Variants in TAFA4 observed in about 807,000 individuals in gnomAD.
TAFA4 encodes the protein TAFA chemokine like family member 4, also known as chemokine-like protein TAFA-4.
Under a neutral mutation model 21.1 loss-of-function variants are expected in TAFA4, and 20 were observed. The ratio of observed to expected loss-of-function variants is 0.95; its 90% CI spans 0.67 to 1.38. The LOEUF is 1.38. TAFA4 is among the 40% of genes most tolerant of loss of function. The probability of loss-of-function intolerance (pLI) is 0.00; values close to 1 mark genes in which losing one functional copy is unlikely to be tolerated. For synonymous variants in TAFA4, 71 were observed against 67.4 expected (o/e 1.05, Z -0.26); for missense variants, 211 against 180.9 (o/e 1.17, Z -0.95).
At chr3:68,839,895 G>A (rs2106891621) in intron 3 of TAFA4, among the ~76,000 whole-genome samples, 1 of 152,298 alleles carries the variant, frequency 6.6e-6, no homozygotes, top group South Asian at 2.1e-4. Flanking sequence ...GAGGAAAATG[G>A]GAGAGACCCT....
At chr3:68,737,466 T>C (rs1006408958) in intron 5 of TAFA4, among the ~76,000 whole-genome samples, 2 of 152,144 alleles carry the variant, frequency 1.3e-5, no homozygotes, top group Non-Finnish European at 2.9e-5. Flanking sequence ...CCCAGTCATC[T>C]CAGTATCACT....
At chr3:68,912,967 G>A (rs1402496761) in intron 1 of TAFA4, among the ~76,000 whole-genome samples, 1 of 152,206 alleles carries the variant, frequency 6.6e-6, no homozygotes, top group African/African-American at 2.4e-5. Context: ...TACTGAAGGT[G>A]ATGTGGGGGT....
At chr3:68,930,465 T>C (rs372516204) in intron 1 of TAFA4, among the ~76,000 whole-genome samples, 1 of 152,158 alleles carries the variant, frequency 6.6e-6, no homozygotes, top group East Asian at 1.9e-4. Context: ...ATAATAAATT[T>C]TAAAGTGTCA....
At chr3:68,784,361 G>A (rs1034887031) in intron 3 of TAFA4, among the ~76,000 whole-genome samples, 1 of 152,192 alleles carries the variant, frequency 6.6e-6, no homozygotes, top group African/African-American at 2.4e-5. Context: ...AGCTCTTAAG[G>A]TGGCACATCT....
chr3:68,815,757 G>A (rs1449827389), intron 3 of TAFA4, among the ~76,000 whole-genome samples: 15 of 152,148 alleles, frequency 9.9e-5, no homozygotes, highest in Admixed American at 3.3e-4. Flanking sequence ...TCAGTGTGGC[G>A]ATTCCTCAAG....
chr3:68,924,178 T>G (rs73835373), intron 1 of TAFA4, among the ~76,000 whole-genome samples: 4,247 of 152,280 alleles, frequency 0.028, 200 homozygotes, highest in African/African-American at 0.096. Context: ...GAACAGATGT[T>G]TGTATACCTA....
At chr3:68,924,141 C>T (rs1344105116) in intron 1 of TAFA4, among the ~76,000 whole-genome samples, 1 of 152,158 alleles carries the variant, frequency 6.6e-6, no homozygotes, top group African/African-American at 2.4e-5. Flanking sequence ...GACTCAAAAG[C>T]ACTAAAGGCA....
chr3:68,737,282 T>C (rs1702260529), intron 5 of TAFA4, among the ~76,000 whole-genome samples: 2 of 152,086 alleles, frequency 1.3e-5, no homozygotes, highest in Admixed American at 1.3e-4. Flanking sequence ...AAGGGAAAGA[T>C]AGGGAAATTA....
intron 1 of TAFA4, among the ~76,000 whole-genome samples, chr3:68,924,615 G>C (rs2090090620): frequency 6.6e-6 from 1 of 152,116 alleles, no homozygotes; most frequent in Non-Finnish European, 1.5e-5. Context: ...CTTGAAAACG[G>C]TTAAAATGAT....
chr3:68,785,555 TC>T (rs1160321926), intron 3 of TAFA4, among the ~76,000 whole-genome samples: 4 of 151,968 alleles, frequency 2.6e-5, no homozygotes, highest in African/African-American at 9.7e-5. Context: ...GGCCGGCCGC[TC>T]CTAATGCGGG....
intron 3 of TAFA4, among the ~76,000 whole-genome samples, chr3:68,832,119 T>C (rs1054489501): frequency 6.6e-6 from 1 of 152,192 alleles, no homozygotes; most frequent in African/African-American, 2.4e-5. Flanking sequence ...TGCAATGGGT[T>C]AGAACATGCT....
intron 2 of TAFA4, among the ~76,000 whole-genome samples, chr3:68,883,772 A>G (rs758186489): frequency 1.3e-4 from 20 of 152,176 alleles, no homozygotes; most frequent in Non-Finnish European, 2.2e-4. Context: ...TGTTTATACT[A>G]TTGAAAATGA....
At chr3:68,833,790 TTTA>T (rs2106882763) in intron 3 of TAFA4, among the ~76,000 whole-genome samples, 1 of 152,290 alleles carries the variant, frequency 6.6e-6, no homozygotes, top group African/African-American at 2.4e-5. Context: ...CCCCTTTCAG[TTTA>T]TTGTTTCATA....
intron 4 of TAFA4, among the ~76,000 whole-genome samples, chr3:68,752,498 A>C (rs1407245933): frequency 6.6e-6 from 1 of 152,208 alleles, no homozygotes; most frequent in Non-Finnish European, 1.5e-5. Flanking sequence ...AACACCAAGC[A>C]TGAAGTGAGA....
At chr3:68,827,885 A>C (rs561706578) in intron 3 of TAFA4, among the ~76,000 whole-genome samples, 1 of 152,278 alleles carries the variant, frequency 6.6e-6, no homozygotes, top group South Asian at 2.1e-4. Flanking sequence ...CTTTGGTTTA[A>C]TTAGATCCCA....
At chr3:68,781,390 T>A (rs77772868) in intron 3 of TAFA4, among the ~76,000 whole-genome samples, 3,276 of 151,204 alleles carry the variant, frequency 0.022, 119 homozygotes, top group African/African-American at 0.075. Flanking sequence ...CCCAAATTAA[T>A]CAAGAACAAA....
intron 1 of TAFA4, chr3:68,916,305 A>T (rs912694663): frequency 6.6e-6 from 1 of 152,212 alleles, no homozygotes; most frequent in Non-Finnish European, 1.5e-5. Flanking sequence ...GGATTCTCTG[A>T]TGGCTTTTAA....
In TAFA4 at chr3:68,732,896, C is replaced by T. The variant is rs751670286; in HGVS notation, c.*246G>A. On this transcript the variant is annotated 3_prime_UTR_variant, in exon 6 of 6. Transcript: ENST00000295569. ...GCTCTTCTCGGATTTTGGAGGTATG[C>T]TCCTTGGGAATCCAGAGAGGATGTC... The T allele has an allele frequency of 1.5e-5, 8 of 518,366 alleles. No homozygotes were observed. Among genetic ancestry groups the T allele is most frequent in the Non-Finnish European group, 2.7e-5 (8 of 292,182 alleles). The allele number at this position is 518,366 out of a possible 1,614,324, so 32.1% of individuals were successfully genotyped here. A position where few individuals can be genotyped will look rare whatever the true frequency, so the allele number is the denominator to read the frequency against.
chr3:68,891,404 T>C (rs191824614), intron 1 of TAFA4, among the ~76,000 whole-genome samples: 70 of 152,310 alleles, frequency 4.6e-4, no homozygotes, highest in African/African-American at 1.7e-3. Flanking sequence ...CAAGCCCATC[T>C]TGCATCACCT....
Sources: allele counts gnomAD v4.1 joint callset (sites outside exome capture counted in the v4.1 genomes callset), GRCh38; gene constraint gnomAD v4.1.1; transcripts MANE v1.5; gene names NCBI Gene and HGNC (gene_info 2026-07-23, HGNC 2026-07-21).